ARID1B: variants seen among roughly 807,000 people sequenced by gnomAD.
ARID1B encodes the protein AT-rich interactive domain-containing protein 1B.
Under a neutral mutation model 212.3 loss-of-function variants are expected in ARID1B, and 30 were observed. That is an observed-to-expected ratio of 0.14 (90% CI 0.11 to 0.19). The LOEUF is 0.19. ARID1B is among the 10% of genes least tolerant of loss of function. The pLI is 1.00. For synonymous variants in ARID1B, 1,402 were observed against 1,301.7 expected, an observed-to-expected ratio of 1.08 and a Z score of -1.66; for missense variants, 2,891 against 3,204.0, an observed-to-expected ratio of 0.90 and a Z score of 2.36.
chr6:156,896,406 T>A lies in ARID1B; in HGVS notation c.1987-4970T>A, dbSNP rs184660025. Among the ~76,000 whole-genome samples the A allele has an allele frequency of 4.5e-3, 679 of 149,940 alleles. 1 individual carries two copies. Among genetic ancestry groups the A allele is most frequent in the Middle Eastern group, 0.021 (6 of 286 alleles). ...AGCCTGACCAATATGATGAAACCCA[T>A]CTCTACTAAAAATATATAAATTAGC... On this transcript the variant is annotated intron_variant, in intron 2 of 19. Transcript: ENST00000636930.
chr6:156,967,997 CTAGGAAGGA>C (rs1794890063), intron 4 of ARID1B, among the ~76,000 whole-genome samples: 1 of 152,132 alleles, frequency 6.6e-6, no homozygotes, highest in African/African-American at 2.4e-5. Context: ...TCATTCAGTC[CTAGGAAGGA>C]ATGTCCTTTT....
chr6:156,778,475 G>T lies in ARID1B; in HGVS notation c.795G>T (p.Pro265=), dbSNP rs1461781773. Residue 265 remains proline, a synonymous_variant, in exon 1 of 20, where the codon CCG becomes CCT. Coordinates refer to ENST00000636930, the MANE Select transcript of ARID1B (RefSeq NM_001374828.1). The part of the protein sequence containing the change: ...DPPGPPLLSK[P]GDEDDAPPKM... ...CGGGCCCGCCGCTGCTGAGCAAGCC[G>T]GGCGACGAGGACGACGCGCCGCCCA... 61 of 1,301,858 alleles carry T rather than the reference G, an allele frequency of 4.7e-5. No individual in the cohort carries two copies. Among genetic ancestry groups the T allele is most frequent in the Non-Finnish European group, 5.1e-5 (53 of 1,032,556 alleles). 80.6% of individuals were successfully genotyped at this position (1,301,858 alleles called of 1,614,324 possible).
intron 4 of ARID1B, among the ~76,000 whole-genome samples, chr6:157,014,163 T>C (rs936967270): frequency 6.6e-6 from 1 of 152,256 alleles, no homozygotes; most frequent in Non-Finnish European, 1.5e-5. Context: ...TGACTAAGGC[T>C]TGGCCAGCCA....
At chr6:157,099,254 A>G (rs1462515098) in intron 5 of ARID1B, among the ~76,000 whole-genome samples, 1 of 152,172 alleles carries the variant, frequency 6.6e-6, no homozygotes, top group African/African-American at 2.4e-5. Context: ...GGCCAACTCC[A>G]GTTTATCTTT....
chr6:156,952,601 G>T (rs1053556574), intron 4 of ARID1B, among the ~76,000 whole-genome samples: 1 of 152,288 alleles, frequency 6.6e-6, no homozygotes, highest in South Asian at 2.1e-4. Context: ...GGTGAGCAGT[G>T]GGGGCAGGGA....
chr6:157,121,049 G>A (rs117659685), intron 6 of ARID1B, among the ~76,000 whole-genome samples: 2,192 of 152,238 alleles, frequency 0.014, 24 homozygotes, highest in Non-Finnish European at 0.022. Context: ...TGCTTACATT[G>A]CAGAATTTGT....
At chr6:157,038,051 T>C (rs1202049296) in intron 4 of ARID1B, among the ~76,000 whole-genome samples, 1 of 152,236 alleles carries the variant, frequency 6.6e-6, no homozygotes, top group Non-Finnish European at 1.5e-5. Flanking sequence ...TTTTTAAATT[T>C]GTTAAATTTT....
intron 2 of ARID1B, among the ~76,000 whole-genome samples, chr6:156,879,800 ATATG>A (rs1786896618): frequency 2.0e-5 from 3 of 152,214 alleles, no homozygotes; most frequent in African/African-American, 4.8e-5. Flanking sequence ...CAGCGTGCGC[ATATG>A]TGTGTGTGTA....
At chr6:156,953,885 T>C (rs1793768692) in intron 4 of ARID1B, among the ~76,000 whole-genome samples, 1 of 152,352 alleles carries the variant, frequency 6.6e-6, no homozygotes, top group African/African-American at 2.4e-5. Flanking sequence ...CTATCCCCTT[T>C]TAGTAAATGT....
In ARID1B at chr6:156,935,559, A is replaced by G. The variant is rs749657274; in HGVS notation, c.2230A>G (p.Arg744Gly). 49 of 1,611,658 alleles carry G rather than the reference A, an allele frequency of 3.0e-5. 1 individual carries two copies. The highest frequency in any genetic ancestry group is 3.8e-5 in the Non-Finnish European group (45 of 1,177,902). Residue 744 changes from arginine (R) to glycine (G), a missense_variant, in exon 4 of 20, where the codon AGA (arginine) becomes GGA (glycine). Transcript: ENST00000636930. ...AGACTTGAACTTAATACAGCAAGAAAGACCATCAAGTTTACCAGTAAGACA... is the reference window on the plus strand; with the variant it reads ...AGACTTGAACTTAATACAGCAAGAAGGACCATCAAGTTTACCAGTAAGACA... The part of the protein sequence containing the change: ...HEDLNLIQQE[R>G]PSSLPDLSGS...
chr6:157,176,738 C>T (rs1472178576), intron 11 of ARID1B, among the ~76,000 whole-genome samples: 3 of 151,990 alleles, frequency 2.0e-5, no homozygotes, highest in African/African-American at 7.3e-5. Context: ...CCCAGCTACT[C>T]GGGAGGCTGA....
intron 4 of ARID1B, among the ~76,000 whole-genome samples, chr6:156,957,026 T>C (rs1299956057): frequency 6.6e-6 from 1 of 152,366 alleles, no homozygotes; most frequent in South Asian, 2.1e-4. Context: ...ATGTAAGTTA[T>C]TGATTTGTAA....
At chr6:157,031,130 A>G (rs1166161047) in intron 4 of ARID1B, among the ~76,000 whole-genome samples, 1 of 152,136 alleles carries the variant, frequency 6.6e-6, no homozygotes, top group Non-Finnish European at 1.5e-5. Flanking sequence ...AAATAATAAT[A>G]AAGAAAAACA....
chr6:156,893,974 A>G (rs1788169364), intron 2 of ARID1B, among the ~76,000 whole-genome samples: 1 of 152,206 alleles, frequency 6.6e-6, no homozygotes, highest in African/African-American at 2.4e-5. Context: ...CAATTCGACC[A>G]GATATTTGTA....
At chr6:157,085,746 A>G (rs966976947) in intron 5 of ARID1B, among the ~76,000 whole-genome samples, 20 of 152,290 alleles carry the variant, frequency 1.3e-4, no homozygotes, top group African/African-American at 4.3e-4. Flanking sequence ...AATATTACAC[A>G]TATATATCTC....
chr6:157,198,651 G>C, intron 16 of ARID1B, 160 bp from the exon 17 acceptor site: 1 of 580,170 alleles, frequency 1.7e-6, no homozygotes, highest in South Asian at 2.4e-5. Context: ...GCTAACAGTT[G>C]GCGTGCAGCT....
intron 2 of ARID1B, among the ~76,000 whole-genome samples, chr6:156,873,489 T>G (rs1204651497): frequency 6.6e-6 from 1 of 152,238 alleles, no homozygotes; most frequent in African/African-American, 2.4e-5. Flanking sequence ...TAGTGGTCAA[T>G]TTTTGAAGGA....
At chr6:156,976,731 A>G (rs1777274059) in intron 4 of ARID1B, 4 of 465,796 alleles carry the variant, frequency 8.6e-6, no homozygotes, top group Non-Finnish European at 1.7e-5. Flanking sequence ...TTAAGCTGTA[A>G]CACTCACCGT....
At chr6:156,864,000 T>C (rs1005023120) in intron 2 of ARID1B, among the ~76,000 whole-genome samples, 5 of 152,218 alleles carry the variant, frequency 3.3e-5, no homozygotes, top group African/African-American at 1.2e-4. Flanking sequence ...AATTGTTCTT[T>C]GAAATAACTA....
Sources: gnomAD v4.1 joint callset for allele counts (sites outside exome capture counted in the v4.1 genomes callset) on GRCh38, gnomAD v4.1.1 for gene constraint, MANE v1.5 for transcripts, NCBI Gene and HGNC (gene_info 2026-07-23, HGNC 2026-07-21) for gene names.